The following MAST4 variants were observed in gnomAD, a reference collection of about 807,000 sequenced individuals.
MAST4 encodes the protein microtubule-associated serine/threonine-protein kinase 4.
A neutral mutation model predicts 162.7 loss-of-function variants in MAST4; 89 were observed. The ratio of observed to expected loss-of-function variants is 0.55; its 90% CI spans 0.46 to 0.65. MAST4 has a LOEUF of 0.65. Among genes scored for constraint, MAST4 ranks in the 30% least tolerant of loss-of-function variants. MAST4 has a pLI of 0.00. For synonymous variants in MAST4, 1,479 were observed against 1,361.1 expected, an observed-to-expected ratio of 1.09 and a Z score of -1.91; for missense variants, 3,153 against 3,374.0, an observed-to-expected ratio of 0.93 and a Z score of 1.62.
Position 67,168,708 on chromosome 5 carries a change from C to G in MAST4, c.*1657C>G, listed in dbSNP as rs2151155796. ...AAATAACTGATCTAGCACCCAAACT[C>G]TCTTGGGGGATGTCTTAGTATCTTC... On this transcript the variant is annotated 3_prime_UTR_variant, in exon 29 of 29. Transcript: ENST00000403625. The G allele has an allele frequency of 6.6e-6, 1 of 152,218 alleles. No individual in the cohort carries two copies. Among genetic ancestry groups the G allele is most frequent in the East Asian group, 1.9e-4 (1 of 5,174 alleles). 9.4% of individuals were successfully genotyped at this position (152,218 alleles called of 1,614,324 possible). A position where few individuals can be genotyped will look rare whatever the true frequency, so the allele number is the denominator to read the frequency against.
intron 1 of MAST4, among the ~76,000 whole-genome samples, chr5:66,629,505 A>C (rs994025352): frequency 6.6e-6 from 1 of 152,146 alleles, no homozygotes; most frequent in South Asian, 2.1e-4. Flanking sequence ...ATTTTGAACC[A>C]TTTCCACCTG....
At chr5:67,161,729 C>G (rs1773204090) in intron 27 of MAST4, among the ~76,000 whole-genome samples, 1 of 152,102 alleles carries the variant, frequency 6.6e-6, no homozygotes, top group East Asian at 1.9e-4. Flanking sequence ...ACTTTTTCAC[C>G]CAAGTACATT....
chr5:66,759,486 G>A (rs909838874), intron 1 of MAST4, among the ~76,000 whole-genome samples: 30 of 152,348 alleles, frequency 2.0e-4, no homozygotes, highest in African/African-American at 6.7e-4. Flanking sequence ...CCCACAGTTT[G>A]AAAATCACTG....
At chr5:66,774,155 T>C (rs1347037471) in intron 2 of MAST4, among the ~76,000 whole-genome samples, 2 of 152,256 alleles carry the variant, frequency 1.3e-5, no homozygotes, top group Non-Finnish European at 2.9e-5. Flanking sequence ...TATTAAAACT[T>C]CTGAAACAAG....
intron 10 of MAST4, among the ~76,000 whole-genome samples, chr5:67,106,542 G>A (rs572170127): frequency 1.7e-4 from 26 of 152,142 alleles, no homozygotes; most frequent in Admixed American, 9.8e-4. Flanking sequence ...CTTCTTTCCT[G>A]TTCTATAATC....
At chr5:67,094,540 T>G (rs1442892259) in intron 6 of MAST4, among the ~76,000 whole-genome samples, 1 of 152,234 alleles carries the variant, frequency 6.6e-6, no homozygotes, top group African/African-American at 2.4e-5. Flanking sequence ...CAATGTTGCT[T>G]TTTTTAAAGT....
chr5:66,668,937 C>T (rs996562112), intron 1 of MAST4, among the ~76,000 whole-genome samples: 16 of 152,034 alleles, frequency 1.1e-4, no homozygotes, highest in African/African-American at 2.4e-4. Flanking sequence ...GGAGCTAGCG[C>T]GGGAGGAATC....
intron 4 of MAST4, among the ~76,000 whole-genome samples, chr5:66,944,140 T>C (rs1236473854): frequency 6.6e-6 from 1 of 152,180 alleles, no homozygotes; most frequent in African/African-American, 2.4e-5. Context: ...CTTCTGAATA[T>C]CTTTGGTGCA....
Position 66,938,495 on chromosome 5 carries a change from G to C in MAST4, c.674+38513G>C, listed in dbSNP as rs570372981. Reference sequence around the variant, plus strand: ...ACACTGTCTAATTGGCTTTACAATGGTAATGATTGTGTTCTATTCATGAGT... The same window carrying C: ...ACACTGTCTAATTGGCTTTACAATGCTAATGATTGTGTTCTATTCATGAGT... On this transcript the variant is annotated intron_variant, in intron 4 of 28. Coordinates refer to ENST00000403625, the MANE Select transcript of MAST4 (RefSeq NM_001164664.2). Among the ~76,000 whole-genome samples, 55 of 152,272 alleles carry C rather than the reference G, an allele frequency of 3.6e-4. 1 individual carries two copies. In the South Asian group the frequency reaches 0.011, roughly 31 times the overall value.
rs758785325 is a variant in MAST4, at chr5:67,152,777, A to G, written c.3436A>G (p.Ser1146Gly). Residue 1146 changes from serine to glycine, a missense_variant, in exon 25 of 29, where the codon AGT becomes GGT. By Grantham distance (56) the Ser-to-Gly change is moderately conservative. This residue lies in a region of MAST4 where 619 missense variants were observed against 744.2 expected (regional missense o/e 0.83). Transcript: ENST00000403625. ...ASPHQPIVIH[S>G]SGKNYGFTIR... ...TCCACATCAGCCGATTGTGATCCAC[A>G]GTTCGGGGAAGAACTACGGCTTTAC... 40 of 1,613,940 alleles carry G rather than the reference A, an allele frequency of 2.5e-5. No homozygotes were observed. The highest frequency in any genetic ancestry group is 3.0e-5 in the Non-Finnish European group (35 of 1,179,904).
intron 24 of MAST4, 119 bp downstream of exon 24, chr5:67,149,708 C>A: frequency 3.0e-6 from 3 of 998,074 alleles, no homozygotes; most frequent in Non-Finnish European, 4.5e-6. Flanking sequence ...CGGGTCATGT[C>A]CCAGGACAGC....
At chr5:66,611,701 A>G (rs937750019) in intron 1 of MAST4, among the ~76,000 whole-genome samples, 32 of 152,262 alleles carry the variant, frequency 2.1e-4, no homozygotes, top group Admixed American at 5.9e-4. Context: ...GCTGGGATAC[A>G]TCGGAAGGTG....
intron 1 of MAST4, among the ~76,000 whole-genome samples, chr5:66,695,940 A>G (rs1044451624): frequency 1.3e-5 from 2 of 152,196 alleles, no homozygotes; most frequent in African/African-American, 4.8e-5. Flanking sequence ...TAGCAAAGAC[A>G]TGGAATCAAC....
intron 1 of MAST4, among the ~76,000 whole-genome samples, chr5:66,736,499 G>A (rs147412641): frequency 9.3e-4 from 141 of 152,244 alleles, no homozygotes; most frequent in Admixed American, 2.4e-3. Flanking sequence ...CTTGGGCAGG[G>A]AAGAAAGGTA....
Position 67,163,604 on chromosome 5 carries a change from G to GCAGCGGGAGCAGTCC in MAST4, c.4435_4449dup (p.Gln1479_Glu1483dup), listed in dbSNP as rs1336579088. ...GCCTGGAGGTGACCCAAGAGGAGGT[G>GCAGCGGGAGCAGTCC]CAGCGGGAGCAGTCCCAGCGGGAGG... On this transcript the variant is annotated inframe_insertion, in exon 29 of 29. Coordinates refer to ENST00000403625, the MANE Select transcript of MAST4 (RefSeq NM_001164664.2). The surrounding 1 kb of genome is among the most constrained non-coding windows in gnomAD (Gnocchi z 7.0). 8.1e-6 allele frequency: 13 copies of GCAGCGGGAGCAGTCC among 1,600,238 alleles called. No individual in the cohort carries two copies. The highest frequency in any genetic ancestry group is 1.0e-5 in the Non-Finnish European group (12 of 1,174,008).
At chr5:66,790,897 T>C (rs200936408) in intron 3 of MAST4, among the ~76,000 whole-genome samples, 1 of 39,332 alleles carries the variant, frequency 2.5e-5, no homozygotes, top group African/African-American at 9.1e-5. Context: ...GACAGAAGTG[T>C]TTTTTAGCTG....
intron 1 of MAST4, among the ~76,000 whole-genome samples, chr5:66,694,133 AAAGAAT>A (rs1749240110): frequency 6.6e-6 from 1 of 152,208 alleles, no homozygotes; most frequent in Non-Finnish European, 1.5e-5. Flanking sequence ...GAGCGCATTG[AAAGAAT>A]AAGTTACATG....
rs1337109408 is a variant in MAST4, at chr5:67,047,069, C to T, written c.675-7335C>T. Among the ~76,000 whole-genome samples, 3 of 152,218 alleles carry T rather than the reference C, an allele frequency of 2.0e-5. No homozygotes were observed. In the East Asian group the frequency reaches 5.8e-4, roughly 29 times the overall value. On this transcript the variant is annotated intron_variant, in intron 4 of 28. Coordinates refer to ENST00000403625, the MANE Select transcript of MAST4 (RefSeq NM_001164664.2). Reference sequence around the variant, plus strand: ...TACAAAAGAGCACAGACTGATGTAACACTTGCATTGAATTTTGGAGCTGTT... The same window carrying T: ...TACAAAAGAGCACAGACTGATGTAATACTTGCATTGAATTTTGGAGCTGTT...
chr5:66,822,415 C>A (rs754326693), intron 3 of MAST4, among the ~76,000 whole-genome samples: 2 of 152,166 alleles, frequency 1.3e-5, no homozygotes, highest in Non-Finnish European at 2.9e-5. Context: ...GTGTATTATG[C>A]CTGGCATGGC....
Sources: allele counts gnomAD v4.1 joint callset (sites outside exome capture counted in the v4.1 genomes callset), GRCh38; gene constraint gnomAD v4.1.1; regional missense constraint gnomAD v4.1.1; non-coding constraint Gnocchi (gnomAD v3.1); transcripts MANE v1.5; gene names NCBI Gene and HGNC (gene_info 2026-07-23, HGNC 2026-07-21).